The following RABGAP1L variants were observed in gnomAD, a reference collection of about 807,000 sequenced individuals.
The protein encoded by RABGAP1L is rab GTPase-activating protein 1-like.
In RABGAP1L, 63 loss-of-function variants were observed where a neutral mutation model predicts 137.7. That is an observed-to-expected ratio of 0.46 (90% confidence interval 0.37 to 0.56). The LOEUF (loss-of-function observed/expected upper bound fraction) is 0.56. RABGAP1L is among the 20% of genes least tolerant of loss of function. The pLI, the probability that RABGAP1L is intolerant of heterozygous loss-of-function variation, is 0.00. For synonymous variants in RABGAP1L, 431 were observed against 433.7 expected (o/e 0.99, Z 0.08); for missense variants, 1,095 against 1,244.0 (o/e 0.88, Z 1.80).
intron 19 of RABGAP1L, among the ~76,000 whole-genome samples, chr1:174,943,823 A>G (rs559918041): frequency 6.6e-6 from 1 of 151,744 alleles, no homozygotes; most frequent in Non-Finnish European, 1.5e-5. Context: ...ACAGTGCGAG[A>G]CTCCATCTCA....
chr1:174,873,385 T>G (rs928644382), intron 19 of RABGAP1L, among the ~76,000 whole-genome samples: 9 of 151,854 alleles, frequency 5.9e-5, no homozygotes, highest in African/African-American at 2.2e-4. Context: ...ATATTTCTCT[T>G]GTAGTTGTTT....
intron 5 of RABGAP1L, among the ~76,000 whole-genome samples, chr1:174,248,648 A>G (rs1361139884): frequency 2.0e-5 from 3 of 152,146 alleles, no homozygotes; most frequent in Non-Finnish European, 2.9e-5. Flanking sequence ...GAAGTTTTTG[A>G]ATGTGTTAGA....
intron 1 of RABGAP1L, among the ~76,000 whole-genome samples, chr1:174,215,013 C>G (rs566854248): frequency 6.6e-6 from 1 of 152,144 alleles, no homozygotes; most frequent in Admixed American, 6.5e-5. Context: ...AAAAAGGTAT[C>G]TGCACAACAA....
In RABGAP1L at chr1:174,615,512, C is replaced by CTCAGGGG. The variant is rs1428050409; in HGVS notation, c.1711-21849_1711-21843dup. 2.0e-5 allele frequency among the ~76,000 whole-genome samples: 3 copies of CTCAGGGG among 152,280 alleles called. No homozygotes were observed. In the East Asian group the frequency reaches 5.8e-4, roughly 29 times the overall value. ...TTGGGGGTGCCTCCCAGTTAGGCTT[C>CTCAGGGG]TCAGGGGTCAGGGGTCAGGGACCCA... On this transcript the variant is annotated intron_variant, in intron 13 of 25. Transcript: ENST00000681986.
rs1300707436 is a variant in RABGAP1L at position 174,783,749 on chromosome 1, GC to G, written c.2212-28081del. Reference sequence around the variant, plus strand: ...TTTTGAGATGGAGCCTCACTCTGCCGCCAGGCTGGAGTGCAGTGGCGTGATC... The same window carrying G: ...TTTTGAGATGGAGCCTCACTCTGCCGCAGGCTGGAGTGCAGTGGCGTGATC... On this transcript the variant is annotated intron_variant, in intron 18 of 25. Transcript: ENST00000681986. Among the ~76,000 whole-genome samples, 36 of 117,608 alleles carry G rather than the reference GC, an allele frequency of 3.1e-4. No homozygotes were observed. The Admixed American group carries it at 4.1e-3, about 13-fold the overall frequency. The allele number at this position is 117,608 out of a possible 152,430, so 77.2% of individuals were successfully genotyped here. A position where few individuals can be genotyped will look rare whatever the true frequency, so the allele number is the denominator to read the frequency against.
chr1:174,496,922 A>G (rs1270535676), intron 13 of RABGAP1L, among the ~76,000 whole-genome samples: 2 of 152,224 alleles, frequency 1.3e-5, no homozygotes, highest in Non-Finnish European at 2.9e-5. Flanking sequence ...GAGAAAATCG[A>G]TGCTGCAGAG....
In RABGAP1L at chr1:174,961,469, C is replaced by T. The variant is rs537199908; in HGVS notation, c.2433+3920C>T. 2.6e-5 allele frequency among the ~76,000 whole-genome samples: 4 copies of T among 152,248 alleles called. No individual in the cohort carries two copies. In the South Asian group the frequency reaches 8.3e-4, roughly 32 times the overall value. On this transcript the variant is annotated intron_variant, in intron 20 of 25. Transcript: ENST00000681986. The stretch of plus-strand genomic sequence containing the variant: ...GCTGGTACTTTTTGGAGATCTGTAG[C>T]CTTCATCTACCTTTGGAGAACGATA...
intron 18 of RABGAP1L, among the ~76,000 whole-genome samples, chr1:174,798,941 A>G (rs766294428): frequency 2.6e-5 from 4 of 152,354 alleles, no homozygotes; most frequent in Admixed American, 6.5e-5. Context: ...TTTATTCACA[A>G]CAAGTAAACT....
intron 7 of RABGAP1L, among the ~76,000 whole-genome samples, chr1:174,253,964 T>G (rs1465320429): frequency 6.6e-6 from 1 of 152,150 alleles, no homozygotes; most frequent in Non-Finnish European, 1.5e-5. Flanking sequence ...AATAAATAGA[T>G]TCCCTCTGTC....
intron 1 of RABGAP1L, among the ~76,000 whole-genome samples, chr1:174,194,443 C>T (rs1667426360): frequency 6.6e-6 from 1 of 152,036 alleles, no homozygotes; most frequent in African/African-American, 2.4e-5. Flanking sequence ...ACCATGTTGG[C>T]CATGCTGGTC....
intron 19 of RABGAP1L, among the ~76,000 whole-genome samples, chr1:174,939,562 A>G (rs1189472214): frequency 6.6e-6 from 1 of 150,542 alleles, no homozygotes; most frequent in African/African-American, 2.5e-5. Context: ...AAAAAAAAAA[A>G]GAAAAAAAGA....
At chr1:174,923,392 T>C (rs1210292828) in intron 19 of RABGAP1L, among the ~76,000 whole-genome samples, 1 of 152,088 alleles carries the variant, frequency 6.6e-6, no homozygotes, top group Non-Finnish European at 1.5e-5. Context: ...ACATGTCAAG[T>C]GTATATGGAG....
intron 13 of RABGAP1L, among the ~76,000 whole-genome samples, chr1:174,456,355 TA>T (rs374398743): frequency 1.8e-4 from 28 of 152,232 alleles, no homozygotes; most frequent in African/African-American, 6.5e-4. Context: ...ACTATAACCT[TA>T]ATGATGAAGA....
At chr1:174,730,879 G>A (rs1053123675) in intron 17 of RABGAP1L, among the ~76,000 whole-genome samples, 5 of 152,170 alleles carry the variant, frequency 3.3e-5, no homozygotes, top group African/African-American at 1.2e-4. Flanking sequence ...AAAACTTAAT[G>A]AGTAGAAAGT....
At chr1:174,218,991 C>T in intron 1 of RABGAP1L, 134 bp from the exon 2 acceptor site, 1 of 680,550 alleles carries the variant, frequency 1.5e-6, no homozygotes, top group Non-Finnish European at 2.3e-6. Flanking sequence ...GCCTCCCTAA[C>T]TTTGAGATAA....
intron 13 of RABGAP1L, among the ~76,000 whole-genome samples, chr1:174,521,750 T>G (rs1446211683): frequency 1.3e-5 from 2 of 152,080 alleles, no homozygotes; most frequent in Non-Finnish European, 2.9e-5. Flanking sequence ...CTTATACAAC[T>G]CAGAAATTGG....
At chr1:174,861,332 C>T (rs1332356767) in intron 19 of RABGAP1L, among the ~76,000 whole-genome samples, 1 of 151,720 alleles carries the variant, frequency 6.6e-6, no homozygotes, top group Non-Finnish European at 1.5e-5. Context: ...ATATATATAC[C>T]ACCTTTTTTG....
chr1:174,781,197 A>G (rs939658340), intron 18 of RABGAP1L, among the ~76,000 whole-genome samples: 5 of 152,120 alleles, frequency 3.3e-5, no homozygotes, highest in Non-Finnish European at 5.9e-5. Flanking sequence ...CACTGTAAAA[A>G]TGTTCCTATT....
At chr1:174,834,243 A>G (rs1692480865) in intron 19 of RABGAP1L, among the ~76,000 whole-genome samples, 1 of 151,976 alleles carries the variant, frequency 6.6e-6, no homozygotes, top group Admixed American at 6.6e-5. Flanking sequence ...CCTGACCAAC[A>G]TGGGGAAACC....
Sources: allele counts gnomAD v4.1 joint callset (sites outside exome capture counted in the v4.1 genomes callset), GRCh38; gene constraint gnomAD v4.1.1; transcripts MANE v1.5; gene names NCBI Gene and HGNC (gene_info 2026-07-23, HGNC 2026-07-21).